ADAMTSL1: variants seen among roughly 807,000 people sequenced by gnomAD.
The protein encoded by ADAMTSL1 is ADAMTS-like protein 1.
ADAMTSL1 carries 126 observed loss-of-function variants against 201.8 expected under a neutral mutation model. The ratio of observed to expected loss-of-function variants is 0.62; its 90% CI spans 0.54 to 0.72. ADAMTSL1 has a LOEUF of 0.72. Among genes scored for constraint, ADAMTSL1 ranks in the 30% least tolerant of loss-of-function variants. The pLI is 0.00. For missense variants in ADAMTSL1, 2,679 were observed against 2,277.8 expected, an observed-to-expected ratio of 1.18 and a Z score of -3.59; for synonymous variants, 1,121 against 903.4, an observed-to-expected ratio of 1.24 and a Z score of -4.32.
intron 2 of ADAMTSL1, among the ~76,000 whole-genome samples, chr9:18,201,008 A>G (rs1829422821): frequency 6.6e-6 from 1 of 152,030 alleles, no homozygotes; most frequent in Admixed American, 6.6e-5. Flanking sequence ...ATCTTTCTCA[A>G]CAGTGAGGAA....
intron 2 of ADAMTSL1, among the ~76,000 whole-genome samples, chr9:18,170,514 G>T (rs1827840912): frequency 6.6e-6 from 1 of 152,000 alleles, no homozygotes. Flanking sequence ...ACAAAATGGA[G>T]TATTAACGAA....
intron 1 of ADAMTSL1, among the ~76,000 whole-genome samples, chr9:18,021,678 A>G (rs1820486303): frequency 6.6e-6 from 1 of 152,198 alleles, no homozygotes; most frequent in Admixed American, 6.5e-5. Flanking sequence ...AGATGATTGT[A>G]TTTAAAAGGA....
intron 4 of ADAMTSL1, among the ~76,000 whole-genome samples, chr9:18,582,761 A>G (rs7847401): frequency 0.025 from 3,753 of 152,126 alleles, 147 homozygotes; most frequent in African/African-American, 0.085. Flanking sequence ...AAGCAGGAGA[A>G]TTGCTTGAAC....
rs868455802 is a variant in ADAMTSL1 at position 18,070,111 on chromosome 9, G to C, written c.88-93751G>C. Among the ~76,000 whole-genome samples, 132 of 152,344 alleles carry C rather than the reference G, an allele frequency of 8.7e-4. 1 individual carries two copies. The highest frequency in any genetic ancestry group is 3.0e-3 in the African/African-American group (123 of 41,584). ...ACAGGTCTATATGAGATAATCCAGT[G>C]AGTAAGTGTGGACTGAAAACAGACT... On this transcript the variant is annotated intron_variant, in intron 1 of 29. Coordinates refer to the ADAMTSL1 transcript ENST00000680146.
intron 2 of ADAMTSL1, among the ~76,000 whole-genome samples, chr9:18,173,551 C>T (rs1348441556): frequency 1.3e-5 from 2 of 151,970 alleles, no homozygotes; most frequent in African/African-American, 4.8e-5. Flanking sequence ...CTTACACAGC[C>T]CCTATCTTTT....
chr9:18,147,676 A>AT (rs1249805456), intron 1 of ADAMTSL1, among the ~76,000 whole-genome samples: 2 of 152,096 alleles, frequency 1.3e-5, no homozygotes, highest in Non-Finnish European at 2.9e-5. Flanking sequence ...CTCAATTGTT[A>AT]TTTTTTGGCT....
chr9:18,777,691 G>T lies in ADAMTSL1; in HGVS notation c.3462G>T (p.Gly1154=), dbSNP rs1416359458. ...SLRTSSTGDA[G]GGSRRPHRKP... is the part of the protein sequence containing the mutation. ...GGACCTCCTCCACCGGGGACGCCGG[G>T]GGAGGCTCTCGAAGGCCACACCGCA... Residue 1154 remains glycine (G), a synonymous_variant, in exon 19 of 29, where the codon GGG becomes GGT. Transcript: ENST00000380548. 1 of 1,613,492 alleles carries T rather than the reference G, an allele frequency of 6.2e-7. No homozygotes were observed. Among genetic ancestry groups the T allele is most frequent in the Non-Finnish European group, 8.5e-7 (1 of 1,179,782 alleles).
At chr9:18,390,001 G>A (rs1422702900) in intron 2 of ADAMTSL1, among the ~76,000 whole-genome samples, 1 of 152,038 alleles carries the variant, frequency 6.6e-6, no homozygotes, top group African/African-American at 2.4e-5. Context: ...AATACAATAT[G>A]TGCAATGAGA....
At chr9:18,888,266 C>T (rs1286569247) in intron 24 of ADAMTSL1, among the ~76,000 whole-genome samples, 1 of 152,222 alleles carries the variant, frequency 6.6e-6, no homozygotes, top group African/African-American at 2.4e-5. Flanking sequence ...AAAGCCAGTG[C>T]TGCCTTCATA....
chr9:17,958,586 T>C (rs1382167556), intron 1 of ADAMTSL1, among the ~76,000 whole-genome samples: 1 of 152,216 alleles, frequency 6.6e-6, no homozygotes, highest in Non-Finnish European at 1.5e-5. Context: ...CCTCTATTTG[T>C]CTTTAATTAC....
intron 8 of ADAMTSL1, among the ~76,000 whole-genome samples, chr9:18,660,270 C>G (rs537972196): frequency 2.0e-5 from 3 of 152,290 alleles, no homozygotes; most frequent in Admixed American, 2.0e-4. Flanking sequence ...CTGAAGTTAC[C>G]AGCTTGAAAA....
chr9:18,190,441 T>C (rs1398914769), intron 2 of ADAMTSL1, among the ~76,000 whole-genome samples: 1 of 152,190 alleles, frequency 6.6e-6, no homozygotes, highest in Non-Finnish European at 1.5e-5. Context: ...TCTTGTACTT[T>C]AAACAGAGGA....
At chr9:18,451,667 G>A (rs1197518943) in intron 2 of ADAMTSL1, among the ~76,000 whole-genome samples, 1 of 152,206 alleles carries the variant, frequency 6.6e-6, no homozygotes, top group East Asian at 1.9e-4. Context: ...TGAACTCGTT[G>A]TTTTGTTGCA....
At chr9:18,905,526 C>G in intron 26 of ADAMTSL1, 2 of 487,084 alleles carry the variant, frequency 4.1e-6, no homozygotes, top group Non-Finnish European at 7.5e-6. Context: ...AGGAGCTTGA[C>G]GTTCTCTTAC....
chr9:17,956,618 C>G (rs944794996), intron 1 of ADAMTSL1, among the ~76,000 whole-genome samples: 8 of 152,114 alleles, frequency 5.3e-5, no homozygotes, highest in African/African-American at 1.7e-4. Context: ...CCTGCTCTCT[C>G]TCTTTCTTTG....
intron 2 of ADAMTSL1, among the ~76,000 whole-genome samples, chr9:18,399,288 T>TATAC (rs1554672264): frequency 1.3e-5 from 1 of 79,592 alleles, no homozygotes; most frequent in African/African-American, 6.1e-5. Flanking sequence ...TACATATATA[T>TATAC]ATATATATAT....
intron 23 of ADAMTSL1, among the ~76,000 whole-genome samples, chr9:18,861,730 G>A (rs748981352): frequency 2.0e-5 from 3 of 152,014 alleles, no homozygotes; most frequent in Non-Finnish European, 4.4e-5. Context: ...AAAACCATTC[G>A]CTCTTTGGGC....
intron 1 of ADAMTSL1, among the ~76,000 whole-genome samples, chr9:18,026,629 G>C (rs1194691831): frequency 6.6e-6 from 1 of 151,984 alleles, no homozygotes; most frequent in African/African-American, 2.4e-5. Flanking sequence ...GAGGATTTTT[G>C]TGACTGTGTT....
chr9:18,458,370 A>G (rs1820685049), intron 2 of ADAMTSL1, among the ~76,000 whole-genome samples: 1 of 152,182 alleles, frequency 6.6e-6, no homozygotes. Flanking sequence ...TCTACTCTGA[A>G]CTATTTTTTA....
Sources: gnomAD v4.1 joint callset for allele counts (sites outside exome capture counted in the v4.1 genomes callset) on GRCh38, gnomAD v4.1.1 for gene constraint, MANE v1.5 for transcripts, NCBI Gene and HGNC (gene_info 2026-07-23, HGNC 2026-07-21) for gene names.